RUNX1T1: variants seen among roughly 807,000 people sequenced by gnomAD.
RUNX1T1 encodes the protein protein CBFA2T1.
Under a neutral mutation model 62.8 loss-of-function variants are expected in RUNX1T1, and 4 were observed. That is an observed-to-expected ratio of 0.06 (90% CI 0.03 to 0.15). RUNX1T1 has a LOEUF of 0.15. Ranked by LOEUF, RUNX1T1 falls within the 10% of genes least tolerant of loss-of-function variation. The probability of loss-of-function intolerance (pLI) is 1.00; values close to 1 mark genes in which losing one functional copy is unlikely to be tolerated. For missense variants in RUNX1T1, 508 were observed against 754.3 expected (o/e 0.67, Z 3.82); for synonymous variants, 291 against 286.0 (o/e 1.02, Z -0.18).
chr8:92,085,063 T>A (rs1012031665), intron 1 of RUNX1T1, among the ~76,000 whole-genome samples: 4 of 152,200 alleles, frequency 2.6e-5, no homozygotes, highest in Non-Finnish European at 4.4e-5. Context: ...ATGACCACCC[T>A]ATGAGGCCAT....
chr8:92,101,168 G>T (rs547101586), upstream of RUNX1T1, among the ~76,000 whole-genome samples: 1 of 152,176 alleles, frequency 6.6e-6, no homozygotes, highest in East Asian at 1.9e-4. Flanking sequence ...CTAGGAGAGG[G>T]AAAAAAATCC....
At chr8:92,010,893 T>C (rs1462394662) in intron 4 of RUNX1T1, 109 bp downstream of exon 5, 2 of 637,318 alleles carry the variant, frequency 3.1e-6, no homozygotes, top group Non-Finnish European at 5.7e-6. Context: ...ATAGTTTTCA[T>C]CCATTAAATT....
At position 92,017,367 on chromosome 8, in the gene RUNX1T1, G is replaced by A. The variant is rs1823223466; in HGVS notation, c.8-4C>T. 1 of 1,614,004 alleles carries A rather than the reference G, an allele frequency of 6.2e-7. No individual in the cohort carries two copies. The highest frequency in any genetic ancestry group is 8.5e-7 in the Non-Finnish European group (1 of 1,179,930). Reference sequence around the variant, plus strand: ...GTGGAGTGCTTCTCAGTACGATCTGGAGGATGCCACCAGGAACATATTATT... The same window carrying A: ...GTGGAGTGCTTCTCAGTACGATCTGAAGGATGCCACCAGGAACATATTATT... On this transcript the variant is annotated splice_region_variant and splice_polypyrimidine_tract_variant and intron_variant, in intron 1 of 10. Coordinates refer to ENST00000396218, the Ensembl canonical transcript of RUNX1T1.
intron 1 of RUNX1T1, among the ~76,000 whole-genome samples, chr8:92,087,681 A>C (rs1836347483): frequency 6.6e-6 from 1 of 152,156 alleles, no homozygotes; most frequent in South Asian, 2.1e-4. Flanking sequence ...TACACATAGA[A>C]AACATTTACT....
At chr8:91,966,103 CAT>C (rs59908043) in intron 10 of RUNX1T1, among the ~76,000 whole-genome samples, 3 of 146,402 alleles carry the variant, frequency 2.0e-5, no homozygotes, top group Non-Finnish European at 4.5e-5. Flanking sequence ...AAACAGCTGG[CAT>C]ATATATATAT....
At chr8:92,054,641 C>T (rs1182055607) in intron 1 of RUNX1T1, among the ~76,000 whole-genome samples, 1 of 152,062 alleles carries the variant, frequency 6.6e-6, no homozygotes, top group African/African-American at 2.4e-5. Context: ...TGATAGATGG[C>T]CTCATAAAAT....
intron 1 of RUNX1T1, among the ~76,000 whole-genome samples, chr8:92,022,856 G>A (rs1379069505): frequency 6.6e-6 from 1 of 152,166 alleles, no homozygotes; most frequent in Non-Finnish European, 1.5e-5. Flanking sequence ...GAGTCCCATT[G>A]TCCATGGAAT....
intron 1 of RUNX1T1, among the ~76,000 whole-genome samples, chr8:92,034,064 G>A (rs1481564194): frequency 6.6e-6 from 1 of 152,082 alleles, no homozygotes; most frequent in East Asian, 1.9e-4. Flanking sequence ...ACAACCAAAA[G>A]GGAAGAGAAG....
intron 5 of RUNX1T1, chr8:92,004,908 T>C: frequency 4.1e-6 from 2 of 486,446 alleles, no homozygotes; most frequent in East Asian, 3.5e-5. Context: ...AAGATTAACC[T>C]ACACAAAAGC....
intron 10 of RUNX1T1, among the ~76,000 whole-genome samples, chr8:91,968,486 G>T (rs1281046268): frequency 6.6e-6 from 1 of 152,120 alleles, no homozygotes; most frequent in Non-Finnish European, 1.5e-5. Flanking sequence ...GGCAATATGG[G>T]CCTTATTGGG....
downstream of RUNX1T1, chr8:91,956,513 T>G (rs1809414930): frequency 4.5e-6 from 1 of 222,696 alleles, no homozygotes; most frequent in African/African-American, 2.2e-5. Context: ...TTTTTCAACT[T>G]TTTTATTACA....
intron 2 of RUNX1T1, among the ~76,000 whole-genome samples, chr8:92,068,164 A>G (rs1177466741): frequency 6.6e-6 from 1 of 152,152 alleles, no homozygotes; most frequent in Non-Finnish European, 1.5e-5. Context: ...TACATTTGCA[A>G]TGTAAATCTG....
intron 5 of RUNX1T1, among the ~76,000 whole-genome samples, chr8:91,997,978 G>A (rs965485594): frequency 6.6e-6 from 1 of 152,078 alleles, no homozygotes; most frequent in African/African-American, 2.4e-5. Flanking sequence ...CTAAATCTTA[G>A]GAAGGTAGTT....
chr8:91,957,268 C>A (rs2130349236), downstream of RUNX1T1: 1 of 224,188 alleles, frequency 4.5e-6, no homozygotes, highest in East Asian at 6.5e-5. Context: ...GCATTGTTAC[C>A]AAGAAGTGAT....
chr8:92,053,521 A>T (rs1459739367), intron 1 of RUNX1T1, among the ~76,000 whole-genome samples: 1 of 152,190 alleles, frequency 6.6e-6, no homozygotes, highest in Non-Finnish European at 1.5e-5. Flanking sequence ...TGTATGTTGC[A>T]TTATACTTTC....
chr8:92,013,679 A>C (rs556389497), intron 3 of RUNX1T1, among the ~76,000 whole-genome samples: 1 of 152,254 alleles, frequency 6.6e-6, no homozygotes, highest in South Asian at 2.1e-4. Context: ...AAATCACAAC[A>C]CATGGAAAAG....
Position 92,062,672 on chromosome 8 carries a change from G to A in RUNX1T1, c.-120C>T, listed in dbSNP as rs564985731. The stretch of plus-strand genomic sequence containing the variant: ...AGAGGAGGGCCATCAGAGGGGCTGG[G>A]GCGGCATCGCCGGAGGCAGGGTGCT... On this transcript the variant is annotated 5_prime_UTR_variant, in exon 1 of 11. Coordinates refer to ENST00000396218, the Ensembl canonical transcript of RUNX1T1. 1.7e-5 allele frequency: 27 copies of A among 1,593,114 alleles called. No individual in the cohort carries two copies. The Admixed American group carries it at 3.5e-4, about 21-fold the overall frequency.
chr8:92,100,500 T>C (rs1480216760), upstream of RUNX1T1, among the ~76,000 whole-genome samples: 2 of 152,212 alleles, frequency 1.3e-5, no homozygotes, highest in Non-Finnish European at 2.9e-5. Flanking sequence ...ATAAGACTGA[T>C]TGGTTGTTTT....
chr8:92,102,907 A>C (rs1042396030), upstream of RUNX1T1: 1 of 1,515,406 alleles, frequency 6.6e-7, no homozygotes, highest in Admixed American at 2.1e-5. The surrounding 1 kb of genome is among the most constrained non-coding windows in gnomAD (Gnocchi z 4.5). Context: ...CCGAGCTGCA[A>C]ATAAAACTTC....
Sources: gnomAD v4.1 joint callset for allele counts (sites outside exome capture counted in the v4.1 genomes callset) on GRCh38, gnomAD v4.1.1 for gene constraint, Gnocchi (gnomAD v3.1) non-coding constraint, MANE v1.5 for transcripts, NCBI Gene and HGNC (gene_info 2026-07-23, HGNC 2026-07-21) for gene names.